Variants in HMGN5 observed in about 807,000 individuals in gnomAD.
HMGN5 encodes the protein high mobility group nucleosome-binding domain-containing protein 5.
In HMGN5, 4 loss-of-function variants were observed where a neutral mutation model predicts 9.5. That is an observed-to-expected ratio of 0.42 (90% confidence interval 0.21 to 0.96). HMGN5 has a LOEUF of 0.96. Ranked by LOEUF, HMGN5 falls within the 40% of genes least tolerant of loss-of-function variation. The probability of loss-of-function intolerance (pLI) is 0.30; values close to 1 mark genes in which losing one functional copy is unlikely to be tolerated. For synonymous variants in HMGN5, 55 were observed against 57.1 expected, an observed-to-expected ratio of 0.96 and a Z score of 0.16; for missense variants, 192 against 187.5, an observed-to-expected ratio of 1.02 and a Z score of -0.14.
At position 81,152,751 on chromosome X, in the gene HMGN5, T is replaced by A. The variant is rs781764320; in HGVS notation, c.-123-31079A>T. ...CAAAGACTTGGAACCAACCCAAATG[T>A]CCAACAATGATAGACTGGGTTAAGA... On this transcript the variant is annotated intron_variant, in intron 1 of 6. Coordinates refer to ENST00000358130, the MANE Select transcript of HMGN5 (RefSeq NM_030763.3). 9.5e-3 allele frequency among the ~76,000 whole-genome samples: 1,036 copies of A among 109,211 alleles called. 9 individuals carry two copies. Among genetic ancestry groups the A allele is most frequent in the Non-Finnish European group, 0.015 (788 of 52,422 alleles). 94.8% of individuals were successfully genotyped at this position (109,211 alleles called of 115,157 possible).
At chrX:81,197,743 A>G (rs1569354038) in intron 1 of HMGN5, 1 of 109,934 alleles carries the variant, frequency 9.1e-6, no homozygotes, top group Non-Finnish European at 1.9e-5. Context: ...GTGAGAGCAT[A>G]GCAGTGTCCA....
intron 6 of HMGN5, 80 bp downstream of exon 6, chrX:81,116,124 T>C: frequency 1.3e-6 from 1 of 775,718 alleles, no homozygotes; most frequent in East Asian, 3.3e-5. Flanking sequence ...ACTTATAAAC[T>C]AAAAGGCAAA....
chrX:81,156,122 A>C (rs2075382314), intron 1 of HMGN5, among the ~76,000 whole-genome samples: 1 of 112,093 alleles, frequency 8.9e-6, no homozygotes, highest in Non-Finnish European at 1.9e-5. Flanking sequence ...GGCTTATGGA[A>C]TAGAATTTGT....
At chrX:81,117,132 T>C (rs2075255679) in intron 5 of HMGN5, among the ~76,000 whole-genome samples, 1 of 111,763 alleles carries the variant, frequency 8.9e-6, no homozygotes, top group South Asian at 3.7e-4. Context: ...GAAACTGTAA[T>C]TTGTAATTTA....
chrX:81,171,680 C>T (rs1474270009), intron 1 of HMGN5, among the ~76,000 whole-genome samples: 2 of 111,122 alleles, frequency 1.8e-5, no homozygotes, highest in Non-Finnish European at 1.9e-5. Flanking sequence ...GATAACTCAC[C>T]ATTGTTCTCA....
At chrX:81,135,395 G>T (rs1392961211) in intron 1 of HMGN5, among the ~76,000 whole-genome samples, 2 of 111,545 alleles carry the variant, frequency 1.8e-5, no homozygotes, top group Non-Finnish European at 3.8e-5. Context: ...CTTATACACA[G>T]ATGTTTGTAT....
At chrX:81,162,157 T>TTA (rs1377271709) in intron 1 of HMGN5, among the ~76,000 whole-genome samples, 1 of 109,855 alleles carries the variant, frequency 9.1e-6, no homozygotes, top group African/African-American at 3.3e-5. Context: ...TTTAAGGGGG[T>TTA]TATACCACAG....
At position 81,113,926 on chromosome X, in the gene HMGN5, TTTA is replaced by T. The variant is rs1228615320; in HGVS notation, c.*720_*722del. ...CAACCATTGAATTATATACTTTATT[TTTA>T]TTATAATTAAAATGGTGAATTTTAC... On this transcript the variant is annotated 3_prime_UTR_variant, in exon 7 of 7. Transcript: ENST00000358130. 1 of 112,017 alleles carries T rather than the reference TTTA, an allele frequency of 8.9e-6. No individual in the cohort carries two copies. Among genetic ancestry groups the T allele is most frequent in the Non-Finnish European group, 1.9e-5 (1 of 53,210 alleles). 9.2% of individuals were successfully genotyped at this position (112,017 alleles called of 1,213,427 possible).
chrX:81,184,207 AC>A (rs962927134), intron 1 of HMGN5, among the ~76,000 whole-genome samples: 3 of 111,684 alleles, frequency 2.7e-5, no homozygotes, highest in Non-Finnish European at 5.6e-5. Flanking sequence ...ATGGTTTAAT[AC>A]CATCCCTCCT....
chrX:81,199,451 A>AG (rs767299046), intron 1 of HMGN5, among the ~76,000 whole-genome samples: 8 of 112,790 alleles, frequency 7.1e-5, no homozygotes, highest in Admixed American at 2.8e-4. Flanking sequence ...ACAAAGCTGG[A>AG]GGCATCATGC....
At chrX:81,173,595 A>G (rs1443826774) in intron 1 of HMGN5, among the ~76,000 whole-genome samples, 1 of 112,095 alleles carries the variant, frequency 8.9e-6, no homozygotes, top group African/African-American at 3.2e-5. Flanking sequence ...TCTCAAGAAG[A>G]TTTAATATTT....
chrX:81,137,807 G>C (rs1395962122), intron 1 of HMGN5, among the ~76,000 whole-genome samples: 1 of 111,367 alleles, frequency 9.0e-6, no homozygotes, highest in East Asian at 2.8e-4. Flanking sequence ...CTCTAGCAAG[G>C]CTGACAAAAA....
chrX:81,186,346 G>C (rs1463175327), intron 1 of HMGN5, among the ~76,000 whole-genome samples: 3 of 111,867 alleles, frequency 2.7e-5, no homozygotes, highest in Non-Finnish European at 3.8e-5. Flanking sequence ...TTGGTAACTT[G>C]TATTTGTGTA....
At chrX:81,115,992 C>T (rs1000672803) in intron 6 of HMGN5, among the ~76,000 whole-genome samples, 1 of 111,769 alleles carries the variant, frequency 8.9e-6, no homozygotes, top group African/African-American at 3.2e-5. Context: ...GTTCTAGTAA[C>T]AGCAATGCTA....
chrX:81,119,828 G>A lies in HMGN5; in HGVS notation c.16-11C>T. On this transcript the variant is annotated splice_polypyrimidine_tract_variant and intron_variant, in intron 2 of 6. Transcript: ENST00000358130. The stretch of plus-strand genomic sequence containing the variant: ...ACCTTGACCTGCAGCCTACACAGAG[G>A]AGAAAACCACACAGAAATAAGGTCA... The A allele has an allele frequency of 2.5e-6, 3 of 1,193,856 alleles. No individual in the cohort carries two copies. Among genetic ancestry groups the A allele is most frequent in the African/African-American group, 1.7e-5 (1 of 57,404 alleles).
chrX:81,161,127 C>T (rs751984036), intron 1 of HMGN5, among the ~76,000 whole-genome samples: 1 of 110,441 alleles, frequency 9.1e-6, no homozygotes, highest in African/African-American at 3.3e-5. Flanking sequence ...TGAATTGCCC[C>T]AAGAATATTG....
chrX:81,155,109 A>C (rs2075379452), intron 1 of HMGN5, among the ~76,000 whole-genome samples: 1 of 93,083 alleles, frequency 1.1e-5, no homozygotes, highest in African/African-American at 3.8e-5. Context: ...ATATACACAC[A>C]CACATACACA....
intron 1 of HMGN5, among the ~76,000 whole-genome samples, chrX:81,128,878 G>T (rs1045297728): frequency 9.0e-6 from 1 of 111,727 alleles, no homozygotes; most frequent in Admixed American, 9.6e-5. Context: ...ATTAATTTTT[G>T]CTTTGTTTAC....
chrX:81,195,035 AT>A (rs916871777), intron 1 of HMGN5: 4 of 111,574 alleles, frequency 3.6e-5, no homozygotes, highest in African/African-American at 1.3e-4. Flanking sequence ...TAGAGAGCGT[AT>A]TAGTCAGGGT....
Sources: gnomAD v4.1 joint callset for allele counts (sites outside exome capture counted in the v4.1 genomes callset) on GRCh38, gnomAD v4.1.1 for gene constraint, MANE v1.5 for transcripts, NCBI Gene and HGNC (gene_info 2026-07-23, HGNC 2026-07-21) for gene names.